The following DMD variants were observed in gnomAD, a reference collection of about 807,000 sequenced individuals.
DMD encodes mutant dystrophin.
Under a neutral mutation model 330.1 loss-of-function variants are expected in DMD, and 63 were observed. That is an observed-to-expected ratio of 0.19 (90% CI 0.16 to 0.24). The LOEUF is 0.24. DMD is among the 10% of genes least tolerant of loss of function. The probability of loss-of-function intolerance (pLI) is 1.00; values close to 1 mark genes in which losing one functional copy is unlikely to be tolerated. For synonymous variants in DMD, 1,223 were observed against 959.8 expected (o/e 1.27, Z -5.07); for missense variants, 3,344 against 2,684.1 (o/e 1.25, Z -5.43).
intron 2 of DMD, among the ~76,000 whole-genome samples, chrX:32,962,098 A>G (rs2091922139): frequency 9.0e-6 from 1 of 111,559 alleles, no homozygotes; most frequent in Admixed American, 9.6e-5. Context: ...AAACATGATT[A>G]TAGTGTATAC....
rs141622243 is a variant in DMD at position 32,518,876 on chromosome X, C to A, written c.2169-745G>T. On this transcript the variant is annotated intron_variant, in intron 17 of 78. Coordinates refer to ENST00000357033, the MANE Select transcript of DMD (RefSeq NM_004006.3). ...ATAGAGAAAAGAAATACCCAAAGGG[C>A]ACTGCCTACGTTGAAGAATTAGGAG... Among the ~76,000 whole-genome samples, 473 of 110,234 alleles carry A rather than the reference C, an allele frequency of 4.3e-3. 2 individuals carry two copies. Among genetic ancestry groups the A allele is most frequent in the African/African-American group, 0.015 (453 of 30,318 alleles).
At chrX:33,246,959 C>G (rs868270919) in intron 1 of DMD, among the ~76,000 whole-genome samples, 1 of 111,421 alleles carries the variant, frequency 9.0e-6, no homozygotes, top group African/African-American at 3.3e-5. Flanking sequence ...GCTGGCATTA[C>G]GGGCATGAGC....
chrX:32,436,560 T>C (rs904399039), intron 29 of DMD, among the ~76,000 whole-genome samples: 3 of 111,697 alleles, frequency 2.7e-5, no homozygotes, highest in Non-Finnish European at 5.6e-5. Flanking sequence ...TAGTTTTGTG[T>C]TAATAAAGGA....
At chrX:32,348,279 A>G (rs1048868838) in intron 38 of DMD, 127 bp downstream of exon 38, 2 of 700,338 alleles carry the variant, frequency 2.9e-6, no homozygotes, top group Non-Finnish European at 4.3e-6. Context: ...CTGCATTTAT[A>G]AAATTCATTA....
intron 17 of DMD, among the ~76,000 whole-genome samples, chrX:32,528,417 C>A (rs2148864657): frequency 8.9e-6 from 1 of 112,080 alleles, no homozygotes; most frequent in African/African-American, 3.2e-5. Flanking sequence ...AAATTAATTT[C>A]TTCGATCTTC....
intron 41 of DMD, among the ~76,000 whole-genome samples, chrX:32,330,495 A>G (rs1169819675): frequency 8.9e-6 from 1 of 112,022 alleles, no homozygotes; most frequent in Non-Finnish European, 1.9e-5. Flanking sequence ...GCTCAGAAGG[A>G]TATTTCCAAC....
chrX:32,831,075 G>A (rs1286449479), intron 4 of DMD, among the ~76,000 whole-genome samples: 2 of 110,583 alleles, frequency 1.8e-5, no homozygotes, highest in Non-Finnish European at 3.8e-5. Context: ...TATATATTTA[G>A]TAATTCTAAG....
intron 7 of DMD, among the ~76,000 whole-genome samples, chrX:32,757,961 G>A (rs977583460): frequency 3.6e-5 from 4 of 111,577 alleles, no homozygotes; most frequent in Non-Finnish European, 5.7e-5. Flanking sequence ...AGGAGGAGGA[G>A]GAAGAGGAGG....
chrX:32,500,044 G>C (rs1330417533), intron 19 of DMD, among the ~76,000 whole-genome samples: 1 of 110,670 alleles, frequency 9.0e-6, no homozygotes, highest in African/African-American at 3.3e-5. Context: ...TGACGTATCA[G>C]TTCGACCATA....
At chrX:32,484,669 A>G (rs1353324480) in intron 21 of DMD, among the ~76,000 whole-genome samples, 13 of 111,956 alleles carry the variant, frequency 1.2e-4, no homozygotes, top group Admixed American at 6.7e-4. Flanking sequence ...GAAATCTACA[A>G]TCCCCCAAGG....
chrX:32,897,854 G>A (rs751589389), intron 2 of DMD, among the ~76,000 whole-genome samples: 7 of 88,545 alleles, frequency 7.9e-5, no homozygotes, highest in Non-Finnish European at 1.6e-4. Flanking sequence ...TCCACTTTCC[G>A]CAGCAAATGG....
intron 13 of DMD, chrX:32,583,569 G>A (rs1354772425): frequency 3.6e-5 from 4 of 112,154 alleles, no homozygotes; most frequent in South Asian, 3.8e-4. Context: ...GAATTAGCAT[G>A]AGGACAGGCA....
In DMD at chrX:32,392,931, C is replaced by T. The variant is rs149555813; in HGVS notation, c.4234-2750G>A. Among the ~76,000 whole-genome samples the T allele has an allele frequency of 2.8e-3, 313 of 112,677 alleles. 1 individual carries two copies. The highest frequency in any genetic ancestry group is 9.7e-3 in the African/African-American group (301 of 31,054). ...AGGCATGTGAATGAGTGATCTTGGA[C>T]GTTCAGCCCAGTTGAGCATTCAGGT... On this transcript the variant is annotated intron_variant, in intron 30 of 78. Coordinates refer to ENST00000357033, the MANE Select transcript of DMD (RefSeq NM_004006.3).
chrX:32,580,483 A>C (rs898399439), intron 13 of DMD, among the ~76,000 whole-genome samples: 1 of 112,022 alleles, frequency 8.9e-6, no homozygotes, highest in Admixed American at 9.5e-5. Flanking sequence ...CTCACCAGTG[A>C]AATAGAGATA....
chrX:32,485,111 A>G lies in DMD; in HGVS notation c.2623-12T>C. The G allele has an allele frequency of 8.3e-7, 1 of 1,200,342 alleles. No individual in the cohort carries two copies. The highest frequency in any genetic ancestry group is 1.1e-6 in the Non-Finnish European group (1 of 885,291). On this transcript the variant is annotated splice_polypyrimidine_tract_variant and intron_variant, in intron 20 of 78. Transcript: ENST00000357033. ...CGGTTGACTTCATCCTGTGCCATAG[A>G]GTATGGAAAGTAAGTAACACGTTTA...
chrX:33,225,663 T>G (rs1396095833), intron 1 of DMD, among the ~76,000 whole-genome samples: 1 of 107,457 alleles, frequency 9.3e-6, no homozygotes, highest in Non-Finnish European at 1.9e-5. Context: ...CTAGGAGGAG[T>G]TCTTAGATTT....
rs767440491 is a variant in DMD, at chrX:31,405,891, C to T, written c.9084+38590G>A. On this transcript the variant is annotated intron_variant, in intron 60 of 78. Transcript: ENST00000357033. ...AAGTTCCAATAATAGATGCTTTCAA[C>T]GATATTAAAGCAAAAACACAAGAGG... 5.4e-5 allele frequency among the ~76,000 whole-genome samples: 6 copies of T among 111,650 alleles called. No homozygotes were observed. The East Asian group carries it at 8.4e-4, about 16-fold the overall frequency.
intron 41 of DMD, among the ~76,000 whole-genome samples, chrX:32,340,802 T>C (rs2097737775): frequency 8.9e-6 from 1 of 111,975 alleles, no homozygotes; most frequent in African/African-American, 3.2e-5. Flanking sequence ...ACACATTACA[T>C]TCATAACATC....
At chrX:31,757,347 G>A (rs2089199766) in intron 51 of DMD, among the ~76,000 whole-genome samples, 1 of 111,701 alleles carries the variant, frequency 9.0e-6, no homozygotes, top group Non-Finnish European at 1.9e-5. Flanking sequence ...GTGAAAAGCT[G>A]TAAATATGCT....
Sources: allele counts gnomAD v4.1 joint callset (sites outside exome capture counted in the v4.1 genomes callset), GRCh38; gene constraint gnomAD v4.1.1; transcripts MANE v1.5; gene names NCBI Gene and HGNC (gene_info 2026-07-23, HGNC 2026-07-21).